The following COP1 variants were observed in gnomAD, a reference collection of about 807,000 sequenced individuals.
COP1 encodes the protein COP1 E3 ubiquitin ligase.
A neutral mutation model predicts 101.3 loss-of-function variants in COP1; 24 were observed. That is an observed-to-expected ratio of 0.24 (90% CI 0.17 to 0.33). The LOEUF (loss-of-function observed/expected upper bound fraction) is 0.33, where lower values mean the gene tolerates loss of function less well. Ranked by LOEUF, COP1 falls within the 10% of genes least tolerant of loss-of-function variation. The probability of loss-of-function intolerance (pLI) is 1.00; values close to 1 mark genes in which losing one functional copy is unlikely to be tolerated. For missense variants in COP1, 663 were observed against 906.2 expected (o/e 0.73, Z 3.45); for synonymous variants, 347 against 341.9 (o/e 1.01, Z -0.17).
chr1:175,955,766 C>CCACACACACACACACACACACA (rs60306255), intron 18 of COP1, among the ~76,000 whole-genome samples: 6,699 of 129,068 alleles, frequency 0.052, 388 homozygotes, highest in Admixed American at 0.075. Context: ...TAGAGACAAA[C>CCACACACACACACACACACACA]CACACACACA....
chr1:176,185,448 A>G (rs762919130), intron 1 of COP1, among the ~76,000 whole-genome samples: 3 of 152,196 alleles, frequency 2.0e-5, no homozygotes, highest in Non-Finnish European at 2.9e-5. Flanking sequence ...CTTTCCCTAT[A>G]AAGAATAAAA....
intron 14 of COP1, among the ~76,000 whole-genome samples, chr1:176,035,710 C>CAA (rs71129541): frequency 1.0e-3 from 73 of 73,054 alleles, no homozygotes; most frequent in African/African-American, 3.4e-3. Context: ...AAAACGAGAC[C>CAA]AAAAAAAAAA....
chr1:176,147,536 C>T (rs1206267961), intron 6 of COP1, among the ~76,000 whole-genome samples: 3 of 152,004 alleles, frequency 2.0e-5, no homozygotes, highest in Non-Finnish European at 4.4e-5. Flanking sequence ...GTATTTGGAA[C>T]TAGTATGTTT....
At chr1:176,002,422 G>A (rs185379199) in intron 15 of COP1, among the ~76,000 whole-genome samples, 195 of 152,044 alleles carry the variant, frequency 1.3e-3, no homozygotes, top group Non-Finnish European at 1.8e-3. Flanking sequence ...AGTTACATAT[G>A]TATACATGTG....
chr1:175,993,653 GATGAAATGA>G (rs1659295176), intron 15 of COP1, among the ~76,000 whole-genome samples: 1 of 152,166 alleles, frequency 6.6e-6, no homozygotes, highest in African/African-American at 2.4e-5. Context: ...AGTGATGGAA[GATGAAATGA>G]ATGAAATGAA....
intron 18 of COP1, among the ~76,000 whole-genome samples, chr1:175,975,661 G>A (rs1019453031): frequency 4.6e-5 from 7 of 151,904 alleles, no homozygotes; most frequent in Non-Finnish European, 5.9e-5. Flanking sequence ...CACCCACCTC[G>A]ACCTCCCAAA....
chr1:176,090,121 T>A (rs1225498717), intron 9 of COP1, among the ~76,000 whole-genome samples: 2 of 152,180 alleles, frequency 1.3e-5, no homozygotes, highest in Non-Finnish European at 2.9e-5. Context: ...ATCTCAGGTC[T>A]TTGGATAGTA....
intron 11 of COP1, among the ~76,000 whole-genome samples, chr1:176,078,645 G>A (rs770841376): frequency 6.6e-6 from 1 of 150,714 alleles, no homozygotes; most frequent in Non-Finnish European, 1.5e-5. Flanking sequence ...ATTGACAAGT[G>A]GGACCTAATT....
chr1:176,133,513 T>C (rs540904932), intron 8 of COP1, among the ~76,000 whole-genome samples: 22 of 151,912 alleles, frequency 1.4e-4, no homozygotes, highest in Non-Finnish European at 2.7e-4. Context: ...ATGCTATACA[T>C]TGGCCCTTTT....
intron 15 of COP1, among the ~76,000 whole-genome samples, chr1:176,012,319 G>T (rs1409049313): frequency 6.6e-6 from 1 of 152,174 alleles, no homozygotes; most frequent in South Asian, 2.1e-4. Flanking sequence ...GGAGCTGGGG[G>T]TTTCACCATG....
chr1:175,998,063 TAAAAAA>T (rs57110017), intron 15 of COP1, among the ~76,000 whole-genome samples: 3,143 of 66,946 alleles, frequency 0.047, 30 homozygotes, highest in Non-Finnish European at 0.059. Flanking sequence ...AGAGTATAAT[TAAAAAA>T]AAAAAAAAAA....
intron 13 of COP1, 96 bp from the exon 14 acceptor site, chr1:176,043,363 C>G (rs554691876): frequency 1.4e-6 from 1 of 718,636 alleles, no homozygotes; most frequent in Admixed American, 2.6e-5. Context: ...TTTATTGTTA[C>G]GGGGAGAGGG....
At chr1:175,999,753 C>A (rs1661146097) in intron 15 of COP1, among the ~76,000 whole-genome samples, 1 of 151,990 alleles carries the variant, frequency 6.6e-6, no homozygotes, top group Non-Finnish European at 1.5e-5. Flanking sequence ...CCCTTTTCTC[C>A]ACATCCTCAC....
chr1:176,106,557 C>T (rs567507564), intron 9 of COP1, among the ~76,000 whole-genome samples: 1 of 152,324 alleles, frequency 6.6e-6, no homozygotes, highest in African/African-American at 2.4e-5. Context: ...GACAGATCAG[C>T]TGGCAACACC....
intron 9 of COP1, among the ~76,000 whole-genome samples, chr1:176,091,083 T>C (rs781293707): frequency 6.6e-6 from 1 of 152,058 alleles, no homozygotes; most frequent in African/African-American, 2.4e-5. Context: ...AAAAAGGACA[T>C]CAATAATCTT....
At position 176,086,047 on chromosome 1, in the gene COP1, C is replaced by A. The variant is rs190572939; in HGVS notation, c.1027-157G>T. On this transcript the variant is annotated intron_variant, in intron 9 of 19. Transcript: ENST00000367669. The stretch of plus-strand genomic sequence containing the variant: ...AATTCTGAGATATTTTCCAATTTAT[C>A]TTTTAACATGAAAATAGAAACCAAA... Among the ~76,000 whole-genome samples, 323 of 152,136 alleles carry A rather than the reference C, an allele frequency of 2.1e-3. 5 individuals carry two copies. Among genetic ancestry groups the A allele is most frequent in the Admixed American group, 0.02 (307 of 15,264 alleles).
At chr1:176,018,194 T>C (rs1279562470) in intron 15 of COP1, among the ~76,000 whole-genome samples, 2 of 152,088 alleles carry the variant, frequency 1.3e-5, no homozygotes, top group African/African-American at 2.4e-5. Flanking sequence ...CCCTTACCAA[T>C]CCACAATAGA....
chr1:176,035,745 GAA>G (rs1185498107), intron 14 of COP1, among the ~76,000 whole-genome samples: 1 of 79,664 alleles, frequency 1.3e-5, no homozygotes, highest in African/African-American at 5.8e-5. Context: ...CAAGCATACA[GAA>G]AATCAGAAAT....
chr1:175,994,844 A>G (rs1383259373), intron 15 of COP1, among the ~76,000 whole-genome samples: 1 of 152,196 alleles, frequency 6.6e-6, no homozygotes, highest in Non-Finnish European at 1.5e-5. Context: ...AATGAGACAG[A>G]AAGTCAACAA....
Sources: allele counts gnomAD v4.1 joint callset (sites outside exome capture counted in the v4.1 genomes callset), GRCh38; gene constraint gnomAD v4.1.1; transcripts MANE v1.5; gene names NCBI Gene and HGNC (gene_info 2026-07-23, HGNC 2026-07-21).